Variants in CEP350 observed in about 807,000 individuals in gnomAD.
CEP350 encodes centrosome-associated protein 350.
In CEP350, 126 loss-of-function variants were observed where a neutral mutation model predicts 331.8. The ratio of observed to expected loss-of-function variants is 0.38; its 90% CI spans 0.33 to 0.44. The LOEUF (loss-of-function observed/expected upper bound fraction) is 0.44. Among genes scored for constraint, CEP350 ranks in the 20% least tolerant of loss-of-function variants. The pLI, the probability that CEP350 is intolerant of heterozygous loss-of-function variation, is 1.00. For missense variants in CEP350, 3,406 were observed against 3,634.6 expected (o/e 0.94, Z 1.62); for synonymous variants, 1,200 against 1,259.5 (o/e 0.95, Z 1.00).
intron 1 of CEP350, among the ~76,000 whole-genome samples, chr1:179,973,560 T>C (rs10494524): frequency 0.14 from 21,452 of 152,148 alleles, 1,608 homozygotes; most frequent in African/African-American, 0.17. Context: ...AGAGCAGTAG[T>C]ATTATCTTTT....
intron 3 of CEP350, among the ~76,000 whole-genome samples, chr1:179,988,023 T>C (rs1219015570): frequency 6.6e-6 from 1 of 152,002 alleles, no homozygotes; most frequent in Non-Finnish European, 1.5e-5. Flanking sequence ...TTAGACTGAA[T>C]GCAGTGGCTC....
At chr1:179,984,403 G>C (rs1033935661) in intron 1 of CEP350, among the ~76,000 whole-genome samples, 1 of 152,170 alleles carries the variant, frequency 6.6e-6, no homozygotes, top group Non-Finnish European at 1.5e-5. Context: ...GATTTGACTT[G>C]GTCTGGAGGA....
Position 180,057,327 on chromosome 1 carries a change from C to G in CEP350, c.5262+2825C>G, listed in dbSNP as rs1657917167. Reference sequence around the variant, plus strand: ...TGTTGGCCAGGCTGGTCTCGAGCCCCTGACCTCAGGTGATCCACCCACCTT... The same window carrying G: ...TGTTGGCCAGGCTGGTCTCGAGCCCGTGACCTCAGGTGATCCACCCACCTT... On this transcript the variant is annotated intron_variant, in intron 25 of 37. Coordinates refer to ENST00000367607, the MANE Select transcript of CEP350 (RefSeq NM_014810.5). Among the ~76,000 whole-genome samples the G allele has an allele frequency of 3.3e-5, 5 of 152,052 alleles. No homozygotes were observed. The South Asian group carries it at 1.0e-3, about 32-fold the overall frequency.
In CEP350 at chr1:179,992,134, C is replaced by A. The variant is rs1234627198; in HGVS notation, c.308C>A (p.Ser103Tyr). 1.9e-6 allele frequency: 3 copies of A among 1,546,958 alleles called. No individual in the cohort carries two copies. Among genetic ancestry groups the A allele is most frequent in the Non-Finnish European group, 2.6e-6 (3 of 1,149,146 alleles). The change falls in exon 5 of 38, where the codon TCT (serine) becomes TAT (tyrosine). Residue 103 changes from serine (S) to tyrosine (Y), a missense_variant. Transcript: ENST00000367607. ...TCCACTAAATCACGAAAAGAGAAAT[C>A]TCGTAGTCCTCTCAGGGCCACCACC... is the stretch of plus-strand genomic sequence containing the variant. ...SKSTKSRKEKSRSPLRATTLE... is the reference protein window; with the variant it reads ...SKSTKSRKEKYRSPLRATTLE...
chr1:180,061,178 TAAG>T (rs2149003010), intron 25 of CEP350, among the ~76,000 whole-genome samples: 1 of 128,442 alleles, frequency 7.8e-6, no homozygotes, highest in East Asian at 2.4e-4. Flanking sequence ...GCTTTATTGA[TAAG>T]AAAACATTGA....
In CEP350 at chr1:180,093,289, A is replaced by G. The variant is rs765630033; in HGVS notation, c.7184A>G (p.Asp2395Gly). ...KKEISAELYK[D>G]DFEVSSLLSL... ...GAAATTTCAGCTGAATTGTACAAAG[A>G]TGATTTTGAGGTGTCATCTTTGCTG... is the stretch of plus-strand genomic sequence containing the variant. The change falls in exon 34 of 38, where the codon GAT (aspartate) becomes GGT (glycine). Residue 2395 changes from aspartate to glycine, a missense_variant. Asp to Gly is a moderately conservative substitution (Grantham distance 94). Transcript: ENST00000367607. The G allele has an allele frequency of 4.0e-5, 64 of 1,598,196 alleles. No individual in the cohort carries two copies. The highest frequency in any genetic ancestry group is 6.8e-5 in the South Asian group (6 of 88,562).
Position 180,006,465 on chromosome 1 carries a change from A to G in CEP350, c.1144A>G (p.Ile382Val), listed in dbSNP as rs1654263258. The G allele has an allele frequency of 1.3e-6, 2 of 1,498,600 alleles. No individual in the cohort carries two copies. The highest frequency in any genetic ancestry group is 1.8e-6 in the Non-Finnish European group (2 of 1,098,288). 92.8% of individuals were successfully genotyped at this position (1,498,600 alleles called of 1,614,324 possible). Residue 382 changes from isoleucine to valine, a missense_variant, in exon 8 of 38, where the codon ATA (isoleucine) becomes GTA (valine). Transcript: ENST00000367607. Reference sequence around the variant, plus strand: ...TTTCTGCTTTTCAGATGATATTTCTATAAAGGAGAAACCTGCTGAAAAAAG... The same window carrying G: ...TTTCTGCTTTTCAGATGATATTTCTGTAAAGGAGAAACCTGCTGAAAAAAG... The part of the protein sequence containing the change: ...LALHFADDIS[I>V]KEKPAEKSKE...
In CEP350 at chr1:180,014,404, C is replaced by T. The variant is rs929475766; in HGVS notation, c.1951C>T (p.Pro651Ser). ...TKVKNVPPSEPSATRRLQETY... is the reference protein window; with the variant it reads ...TKVKNVPPSESSATRRLQETY... ...AGTAAAAAATGTCCCTCCTTCTGAG[C>T]CATCAGCAACTAGGCGACTACAGGA... Residue 651 changes from proline (P) to serine (S), a missense_variant, in exon 10 of 38, where the codon CCA becomes TCA. By Grantham distance (74) the Pro-to-Ser change is moderately conservative (BLOSUM62 -1). Around this residue, in one of 5 missense-constraint regions of CEP350, gnomAD observed 1,857 missense variants for 1,909.2 expected, o/e 0.97. Transcript: ENST00000367607. 8.7e-6 allele frequency: 14 copies of T among 1,604,662 alleles called. No homozygotes were observed. Among genetic ancestry groups the T allele is most frequent in the Non-Finnish European group, 1.1e-5 (13 of 1,175,524 alleles).
In CEP350 at chr1:179,967,700, C is replaced by T. The variant is rs141202952; in HGVS notation, c.-14+12558C>T. Among the ~76,000 whole-genome samples, 16 of 152,076 alleles carry T rather than the reference C, an allele frequency of 1.1e-4. No homozygotes were observed. The East Asian group carries it at 2.5e-3, about 24-fold the overall frequency. On this transcript the variant is annotated intron_variant, in intron 1 of 37. Transcript: ENST00000367607. Reference sequence around the variant, plus strand: ...TGCTGGTATTACAGGTGTAAGCCACCGGGCCCAGCTGGCTTCATTTCATTC... The same window carrying T: ...TGCTGGTATTACAGGTGTAAGCCACTGGGCCCAGCTGGCTTCATTTCATTC...
intron 12 of CEP350, 28 bp downstream of exon 12, chr1:180,021,037 GTT>G: frequency 6.9e-7 from 1 of 1,439,070 alleles, no homozygotes. Context: ...AGCTTGTACT[GTT>G]TGTATATTAA....
chr1:179,976,385 C>T (rs978414854), intron 1 of CEP350, among the ~76,000 whole-genome samples: 3 of 152,112 alleles, frequency 2.0e-5, no homozygotes, highest in Non-Finnish European at 4.4e-5. Flanking sequence ...AGAGAAAACC[C>T]TGCACACATC....
intron 22 of CEP350, among the ~76,000 whole-genome samples, chr1:180,049,503 C>T (rs1372880944): frequency 6.6e-6 from 1 of 150,516 alleles, no homozygotes; most frequent in African/African-American, 2.4e-5. Flanking sequence ...GCTGCTGCTT[C>T]TGGCCATGAT....
chr1:180,111,233 A>G lies in CEP350; in HGVS notation c.*72A>G, dbSNP rs529341524. The G allele has an allele frequency of 1.7e-5, 26 of 1,544,994 alleles. No individual in the cohort carries two copies. The Admixed American group carries it at 2.2e-4, about 13-fold the overall frequency. On this transcript the variant is annotated 3_prime_UTR_variant, in exon 38 of 38. Transcript: ENST00000367607. ...CCTTTCTGCCTCCTGATGTACACCC[A>G]TCGCCATCATAGCAAGAGTGCTTCT...
At chr1:180,037,751 G>A (rs997203832) in intron 17 of CEP350, among the ~76,000 whole-genome samples, 2 of 152,070 alleles carry the variant, frequency 1.3e-5, no homozygotes, top group African/African-American at 4.8e-5. Context: ...CCAGGTTCAC[G>A]CCATTCTCCT....
chr1:180,081,782 TCA>T (rs761904287), intron 30 of CEP350, among the ~76,000 whole-genome samples: 1 of 152,228 alleles, frequency 6.6e-6, no homozygotes. Context: ...ATATTATGAC[TCA>T]CATGTGTATG....
At chr1:180,079,949 C>T (rs899465109) in intron 29 of CEP350, among the ~76,000 whole-genome samples, 13 of 152,140 alleles carry the variant, frequency 8.5e-5, no homozygotes, top group African/African-American at 3.1e-4. Context: ...TCTCATTTAA[C>T]CCTCGCAAGA....
chr1:180,074,091 A>G (rs1659068898), intron 27 of CEP350, among the ~76,000 whole-genome samples: 1 of 152,182 alleles, frequency 6.6e-6, no homozygotes, highest in Non-Finnish European at 1.5e-5. Context: ...CTCAAGAAGT[A>G]GAGTGACAGC....
At chr1:180,034,410 G>A (rs186677188) in intron 16 of CEP350, among the ~76,000 whole-genome samples, 1 of 151,796 alleles carries the variant, frequency 6.6e-6, no homozygotes, top group East Asian at 1.9e-4. Context: ...CATTGTATAG[G>A]CATACCTTGT....
chr1:180,065,121 C>T lies in CEP350; in HGVS notation c.5416C>T (p.His1806Tyr). 26 of 1,602,536 alleles carry T rather than the reference C, an allele frequency of 1.6e-5. No homozygotes were observed. Among genetic ancestry groups the T allele is most frequent in the Non-Finnish European group, 2.2e-5 (26 of 1,176,408 alleles). The change falls in exon 27 of 38, where the codon CAT becomes TAT. Residue 1806 changes from histidine (H) to tyrosine (Y), a missense_variant. His to Tyr is a moderately conservative substitution (Grantham distance 83, BLOSUM62 2). Around this residue, in one of 5 missense-constraint regions of CEP350, gnomAD observed 1,415 missense variants for 1,512.3 expected, o/e 0.94. Coordinates refer to ENST00000367607, the MANE Select transcript of CEP350 (RefSeq NM_014810.5). ...KSAGESKLDSHSDDDTKDNKA... is the reference protein window; with the variant it reads ...KSAGESKLDSYSDDDTKDNKA... ...TGCCTCTTTTTGTTTGCAGGACTCT[C>T]ATAGTGATGATGATACAAAGGATAA...
Sources: gnomAD v4.1 joint callset for allele counts (sites outside exome capture counted in the v4.1 genomes callset) on GRCh38, gnomAD v4.1.1 for gene constraint, gnomAD v4.1.1 regional missense constraint, MANE v1.5 for transcripts, NCBI Gene and HGNC (gene_info 2026-07-23, HGNC 2026-07-21) for gene names.